Variants in SLC10A7 observed in about 807,000 individuals in gnomAD.
SLC10A7 encodes solute carrier family 10 member 7.
SLC10A7 carries 29 observed loss-of-function variants against 43.2 expected under a neutral mutation model. The observed-to-expected ratio is 0.67, with a 90% confidence interval of 0.50 to 0.92. The LOEUF (loss-of-function observed/expected upper bound fraction) is 0.92. Ranked by LOEUF, SLC10A7 falls within the 40% of genes least tolerant of loss-of-function variation. The pLI is 0.00. For synonymous variants in SLC10A7, 152 were observed against 144.8 expected (o/e 1.05, Z -0.35); for missense variants, 295 against 403.2 (o/e 0.73, Z 2.30).
intron 11 of SLC10A7, among the ~76,000 whole-genome samples, chr4:146,258,485 CTTTTA>C (rs1438328060): frequency 6.6e-6 from 1 of 152,132 alleles, no homozygotes; most frequent in Non-Finnish European, 1.5e-5. Flanking sequence ...GTATAATTGT[CTTTTA>C]TAACAATTTA....
chr4:146,463,603 C>T (rs11735134), intron 4 of SLC10A7, among the ~76,000 whole-genome samples: 38,955 of 151,644 alleles, frequency 0.26, 5,147 homozygotes, highest in South Asian at 0.34. Flanking sequence ...TAGCCAGGTG[C>T]TGTGGCACAT....
At chr4:146,384,748 A>C (rs1470336537) in intron 5 of SLC10A7, among the ~76,000 whole-genome samples, 1 of 152,010 alleles carries the variant, frequency 6.6e-6, no homozygotes, top group African/African-American at 2.4e-5. Context: ...TATAATCCCC[A>C]ATGTTGGAGG....
At chr4:146,479,887 C>T (rs34722455) in intron 4 of SLC10A7, among the ~76,000 whole-genome samples, 126 of 152,166 alleles carry the variant, frequency 8.3e-4, no homozygotes, top group African/African-American at 2.8e-3. Flanking sequence ...AAGCATTATA[C>T]CACATGTTAA....
intron 5 of SLC10A7, among the ~76,000 whole-genome samples, chr4:146,409,941 A>G (rs1728058032): frequency 6.6e-6 from 1 of 152,244 alleles, no homozygotes; most frequent in Non-Finnish European, 1.5e-5. Flanking sequence ...TTAACATTTC[A>G]TAGCATAATT....
chr4:146,285,834 G>A (rs1445885823), intron 9 of SLC10A7, among the ~76,000 whole-genome samples: 1 of 152,160 alleles, frequency 6.6e-6, no homozygotes. Context: ...TTGGAGTGGT[G>A]AAAAGGACTG....
At chr4:146,505,248 CA>C (rs1337978035) in intron 3 of SLC10A7, among the ~76,000 whole-genome samples, 1 of 152,096 alleles carries the variant, frequency 6.6e-6, no homozygotes, top group Non-Finnish European at 1.5e-5. Context: ...GTGAAGATGA[CA>C]AAAATGAAGA....
Position 146,485,464 on chromosome 4 carries a change from C to A in SLC10A7, c.396+18385G>T, listed in dbSNP as rs375371125. On this transcript the variant is annotated intron_variant, in intron 4 of 11. Transcript: ENST00000335472. ...ACATAGTTTGGAAGAAGCTTCCTAA[C>A]ACCTTGGTGCTGAGGGCAGAATTCC... 4.4e-3 allele frequency among the ~76,000 whole-genome samples: 670 copies of A among 152,310 alleles called. 4 individuals carry two copies. The highest frequency in any genetic ancestry group is 0.015 in the African/African-American group (630 of 41,558).
chr4:146,262,853 G>T (rs1728320495), intron 10 of SLC10A7, among the ~76,000 whole-genome samples: 1 of 152,196 alleles, frequency 6.6e-6, no homozygotes, highest in Non-Finnish European at 1.5e-5. Flanking sequence ...ACATTCTAAA[G>T]TGCAAATCTG....
intron 5 of SLC10A7, among the ~76,000 whole-genome samples, chr4:146,397,472 T>C (rs774368583): frequency 1.3e-5 from 2 of 152,194 alleles, no homozygotes; most frequent in Non-Finnish European, 2.9e-5. Context: ...TCATTTGTGC[T>C]GTGGAGACAA....
intron 5 of SLC10A7, among the ~76,000 whole-genome samples, chr4:146,341,014 C>A (rs1249278386): frequency 6.6e-6 from 1 of 151,766 alleles, no homozygotes; most frequent in African/African-American, 2.4e-5. Context: ...CTATGCACAG[C>A]ACATTAGTAT....
At chr4:146,362,919 T>C (rs996875931) in intron 5 of SLC10A7, among the ~76,000 whole-genome samples, 4 of 150,950 alleles carry the variant, frequency 2.6e-5, no homozygotes, top group Admixed American at 1.3e-4. Context: ...AAATTACTTA[T>C]AAACAAAAGA....
intron 5 of SLC10A7, among the ~76,000 whole-genome samples, chr4:146,406,714 G>A (rs1423557266): frequency 6.6e-6 from 1 of 152,176 alleles, no homozygotes; most frequent in Non-Finnish European, 1.5e-5. Context: ...CAGGCGCAGT[G>A]GCTCACTTCT....
At position 146,292,700 on chromosome 4, in the gene SLC10A7, G is replaced by T. The variant is rs138551161; in HGVS notation, c.773+229C>A. The stretch of plus-strand genomic sequence containing the variant: ...ACAGCTCAAGCCAGTAGAATGGAAG[G>T]GCCTGCCTAAGCACTCAATGTGGAT... On this transcript the variant is annotated intron_variant, in intron 9 of 11. Coordinates refer to ENST00000335472, the MANE Select transcript of SLC10A7 (RefSeq NM_001029998.6). Among the ~76,000 whole-genome samples, 391 of 152,206 alleles carry T rather than the reference G, an allele frequency of 2.6e-3. 2 individuals carry two copies. The highest frequency in any genetic ancestry group is 4.6e-3 in the Non-Finnish European group (311 of 68,018).
At chr4:146,261,598 C>A (rs1281542464) in intron 10 of SLC10A7, among the ~76,000 whole-genome samples, 1 of 152,132 alleles carries the variant, frequency 6.6e-6, no homozygotes, top group Non-Finnish European at 1.5e-5. Context: ...CAGTCATTCC[C>A]TTTGCTTGAA....
At chr4:146,464,087 A>G (rs529375588) in intron 4 of SLC10A7, among the ~76,000 whole-genome samples, 136 of 152,116 alleles carry the variant, frequency 8.9e-4, no homozygotes, top group African/African-American at 3.2e-3. Flanking sequence ...GGCCTCCCAG[A>G]ATGCTGGGAT....
chr4:146,315,010 A>C (rs1297869965), intron 6 of SLC10A7, among the ~76,000 whole-genome samples: 8 of 152,138 alleles, frequency 5.3e-5, no homozygotes, highest in Non-Finnish European at 1.2e-4. Flanking sequence ...GTAGGAAAGA[A>C]GCCTAGATAC....
intron 5 of SLC10A7, among the ~76,000 whole-genome samples, chr4:146,409,735 A>C (rs974283375): frequency 6.6e-6 from 1 of 152,218 alleles, no homozygotes; most frequent in African/African-American, 2.4e-5. Context: ...CGTGAGAAAT[A>C]GAGCCGTTGT....
chr4:146,260,310 C>A (rs1166409357), intron 10 of SLC10A7, among the ~76,000 whole-genome samples: 1 of 152,138 alleles, frequency 6.6e-6, no homozygotes, highest in Non-Finnish European at 1.5e-5. Flanking sequence ...CTCCTGTTTC[C>A]AAGAAACGTT....
At chr4:146,432,466 G>A (rs1326132899) in intron 5 of SLC10A7, among the ~76,000 whole-genome samples, 2 of 152,092 alleles carry the variant, frequency 1.3e-5, no homozygotes, top group Admixed American at 6.5e-5. Flanking sequence ...AATCACAAAA[G>A]TGTATTCTAA....
Sources: allele counts gnomAD v4.1 joint callset (sites outside exome capture counted in the v4.1 genomes callset), GRCh38; gene constraint gnomAD v4.1.1; transcripts MANE v1.5; gene names NCBI Gene and HGNC (gene_info 2026-07-23, HGNC 2026-07-21).